The following KCNH1 variants were observed in gnomAD, a reference collection of about 807,000 sequenced individuals.
The protein encoded by KCNH1 is voltage-gated delayed rectifier potassium channel KCNH1.
In KCNH1, 27 loss-of-function variants were observed where a neutral mutation model predicts 69.2. The ratio of observed to expected loss-of-function variants is 0.39; its 90% CI spans 0.29 to 0.54. KCNH1 has a LOEUF of 0.54. KCNH1 is among the 20% of genes least tolerant of loss of function. KCNH1 has a pLI of 0.68. For missense variants in KCNH1, 798 were observed against 1,261.6 expected (o/e 0.63, Z 5.57); for synonymous variants, 456 against 487.7 (o/e 0.93, Z 0.86).
At chr1:211,061,200 C>CA (rs1217092493) in intron 5 of KCNH1, among the ~76,000 whole-genome samples, 7 of 151,886 alleles carry the variant, frequency 4.6e-5, no homozygotes, top group African/African-American at 1.7e-4. Flanking sequence ...GAATGAAGGA[C>CA]AAAAAACATA....
rs574465630 is a variant in KCNH1 at position 210,915,452 on chromosome 1, G to A, written c.1462+4188C>T. ...TTGTGTTTCTCTTGGCATTACCAAT[G>A]CATAGGAGAGATTACATGGGAGAAA... On this transcript the variant is annotated intron_variant, in intron 7 of 10. Transcript: ENST00000271751. Among the ~76,000 whole-genome samples, 133 of 152,206 alleles carry A rather than the reference G, an allele frequency of 8.7e-4. 1 individual carries two copies. The highest frequency in any genetic ancestry group is 3.1e-3 in the African/African-American group (129 of 41,526).
At chr1:211,072,784 AC>A (rs1180263071) in intron 5 of KCNH1, among the ~76,000 whole-genome samples, 8 of 152,222 alleles carry the variant, frequency 5.3e-5, no homozygotes, top group Admixed American at 2.6e-4. Context: ...CTCAGTTAAA[AC>A]CAAAAAAGGC....
rs1691918862 is a variant in KCNH1, at chr1:211,133,679, C to G, written c.79+188G>C. Among the ~76,000 whole-genome samples the G allele has an allele frequency of 6.6e-6, 1 of 152,124 alleles. No homozygotes were observed. Among genetic ancestry groups the G allele is most frequent in the Non-Finnish European group, 1.5e-5 (1 of 68,024 alleles). ...AGAGCTCTCCTGTTAGGATGGGGAC[C>G]CATCAGACCCCGCCCCGCCCTGCCC... On this transcript the variant is annotated intron_variant, in intron 1 of 10. Transcript: ENST00000271751. This position sits in a 1 kb window ranked among gnomAD's most constrained non-coding sequence, Gnocchi z 5.4.
At chr1:210,916,760 G>A (rs1363795620) in intron 7 of KCNH1, among the ~76,000 whole-genome samples, 1 of 152,162 alleles carries the variant, frequency 6.6e-6, no homozygotes, top group East Asian at 1.9e-4. Flanking sequence ...AATAATAAGT[G>A]CTCAAGGAAA....
chr1:210,860,851 C>A (rs1032604444), intron 7 of KCNH1: 9 of 918,154 alleles, frequency 9.8e-6, no homozygotes, highest in African/African-American at 4.9e-5. Flanking sequence ...AAGTACTCAG[C>A]AAGCCCTTGC....
intron 10 of KCNH1, among the ~76,000 whole-genome samples, chr1:210,725,179 G>A (rs559636644): frequency 2.5e-4 from 38 of 152,194 alleles, no homozygotes; most frequent in African/African-American, 7.0e-4. Flanking sequence ...AACTGCTGTT[G>A]ATAATGGCAT....
chr1:211,036,321 A>C (rs1041537450), intron 5 of KCNH1, among the ~76,000 whole-genome samples: 1 of 152,192 alleles, frequency 6.6e-6, no homozygotes, highest in African/African-American at 2.4e-5. Context: ...ACTATCTGGG[A>C]GGCCTGATGG....
chr1:210,953,766 T>C (rs894329533), intron 6 of KCNH1, among the ~76,000 whole-genome samples: 6 of 152,114 alleles, frequency 3.9e-5, no homozygotes, highest in African/African-American at 1.2e-4. Context: ...CCCTCTCTTA[T>C]CCAGAACCTT....
intron 5 of KCNH1, among the ~76,000 whole-genome samples, chr1:211,030,547 C>T (rs1689763843): frequency 6.6e-6 from 1 of 152,032 alleles, no homozygotes; most frequent in Non-Finnish European, 1.5e-5. Flanking sequence ...AACAAGTGGA[C>T]ATCAATAAGC....
chr1:210,937,395 G>C (rs1310771377), intron 6 of KCNH1, among the ~76,000 whole-genome samples: 4 of 152,152 alleles, frequency 2.6e-5, no homozygotes, highest in Non-Finnish European at 5.9e-5. Flanking sequence ...GAGCATGCCA[G>C]AATACCTGCT....
intron 10 of KCNH1, among the ~76,000 whole-genome samples, chr1:210,768,010 C>A (rs1683673407): frequency 6.6e-6 from 1 of 152,182 alleles, no homozygotes; most frequent in South Asian, 2.1e-4. Flanking sequence ...CCAAACCTCA[C>A]TGATGAACCA....
intron 6 of KCNH1, among the ~76,000 whole-genome samples, chr1:210,952,958 G>C (rs1441193219): frequency 6.6e-6 from 1 of 152,172 alleles, no homozygotes; most frequent in Non-Finnish European, 1.5e-5. Context: ...TGGTTGACTG[G>C]TTGGTTTTTG....
chr1:211,010,836 G>C (rs1258457070), intron 6 of KCNH1, among the ~76,000 whole-genome samples: 1 of 152,124 alleles, frequency 6.6e-6, no homozygotes, highest in Non-Finnish European at 1.5e-5. Flanking sequence ...TCTGAAAGAG[G>C]AGCCAAGAAA....
intron 7 of KCNH1, among the ~76,000 whole-genome samples, chr1:210,889,811 A>C (rs1251869094): frequency 6.6e-6 from 1 of 152,212 alleles, no homozygotes; most frequent in Non-Finnish European, 1.5e-5. Flanking sequence ...AAAGAGAATA[A>C]AATACCTAGG....
intron 5 of KCNH1, among the ~76,000 whole-genome samples, chr1:211,049,708 A>G (rs895250761): frequency 6.6e-6 from 1 of 152,144 alleles, no homozygotes; most frequent in Non-Finnish European, 1.5e-5. Flanking sequence ...CTGCTACAAG[A>G]CCACTGCAGG....
At chr1:210,858,137 G>A (rs1685895871) in intron 7 of KCNH1, 1 of 152,124 alleles carries the variant, frequency 6.6e-6, no homozygotes, top group Non-Finnish European at 1.5e-5. Flanking sequence ...GCTGAATTAA[G>A]TTCTTTTAAT....
chr1:210,748,621 C>T (rs1463846122), intron 10 of KCNH1, among the ~76,000 whole-genome samples: 3 of 152,168 alleles, frequency 2.0e-5, no homozygotes, highest in Non-Finnish European at 2.9e-5. Context: ...GGTGGCAGGC[C>T]GAGATAAATA....
At chr1:211,110,010 A>T (rs1033670845) in intron 1 of KCNH1, among the ~76,000 whole-genome samples, 1 of 151,494 alleles carries the variant, frequency 6.6e-6, no homozygotes, top group Non-Finnish European at 1.5e-5. Context: ...AAAGAGAAAG[A>T]GACAAGAAAC....
At chr1:210,856,849 A>T (rs1458562347) in intron 7 of KCNH1, among the ~76,000 whole-genome samples, 2 of 127,616 alleles carry the variant, frequency 1.6e-5, no homozygotes, top group Non-Finnish European at 3.2e-5. Flanking sequence ...TAAAATATAT[A>T]TGTAACCCAC....
Sources: allele counts gnomAD v4.1 joint callset (sites outside exome capture counted in the v4.1 genomes callset), GRCh38; gene constraint gnomAD v4.1.1; non-coding constraint Gnocchi (gnomAD v3.1); transcripts MANE v1.5; gene names NCBI Gene and HGNC (gene_info 2026-07-23, HGNC 2026-07-21).